The following PPARGC1A variants were observed in gnomAD, a reference collection of about 807,000 sequenced individuals.
PPARGC1A encodes peroxisome proliferator-activated receptor gamma coactivator 1-alpha.
In PPARGC1A, 25 loss-of-function variants were observed where a neutral mutation model predicts 88.7. The observed-to-expected ratio is 0.28, with a 90% CI of 0.21 to 0.39. The LOEUF is 0.39. PPARGC1A is among the 10% of genes least tolerant of loss of function. The pLI is 1.00. For missense variants in PPARGC1A, 880 were observed against 968.7 expected (o/e 0.91, Z 1.22); for synonymous variants, 363 against 355.6 (o/e 1.02, Z -0.24).
chr4:23,892,768 T>C (rs1442217071), upstream of PPARGC1A, among the ~76,000 whole-genome samples: 2 of 152,172 alleles, frequency 1.3e-5, no homozygotes, highest in Admixed American at 6.5e-5. Flanking sequence ...AACCTTACTG[T>C]GTGCACAGCC....
At chr4:24,153,150 AGT>A in the PPARGC1A span, among the ~76,000 whole-genome samples, 1 of 152,166 alleles carries the variant, frequency 6.6e-6, no homozygotes, top group African/African-American at 2.4e-5. Context: ...AGGAGCATAG[AGT>A]GTTTTCTGAA....
At chr4:24,363,671 A>G in the PPARGC1A span, among the ~76,000 whole-genome samples, 1 of 152,182 alleles carries the variant, frequency 6.6e-6, no homozygotes, top group African/African-American at 2.4e-5. Context: ...CACAGAAGGA[A>G]TCAGTTTATC....
the PPARGC1A span, among the ~76,000 whole-genome samples, chr4:24,146,782 C>G: frequency 6.6e-6 from 1 of 152,190 alleles, no homozygotes; most frequent in Non-Finnish European, 1.5e-5. Context: ...CTGACAGTGT[C>G]CTCTCATTGG....
chr4:24,406,421 T>A, the PPARGC1A span, among the ~76,000 whole-genome samples: 11 of 152,320 alleles, frequency 7.2e-5, no homozygotes, highest in South Asian at 1.9e-3. Flanking sequence ...TTGTGTCTGT[T>A]TGGAGTACTG....
At chr4:23,866,893 G>A (rs1235192093) in intron 2 of PPARGC1A, among the ~76,000 whole-genome samples, 25 of 152,008 alleles carry the variant, frequency 1.6e-4, no homozygotes, top group Non-Finnish European at 2.9e-5. Context: ...ATTTTGCTGC[G>A]CTGCTTTTGT....
intron 1 of PPARGC1A, among the ~76,000 whole-genome samples, chr4:23,897,534 G>T (rs191097274): frequency 3.3e-5 from 5 of 152,302 alleles, no homozygotes; most frequent in Admixed American, 1.3e-4. Context: ...TGATGTGCCT[G>T]TCTTGACAGA....
chr4:24,305,839 A>G, the PPARGC1A span, among the ~76,000 whole-genome samples: 1 of 152,122 alleles, frequency 6.6e-6, no homozygotes, highest in Non-Finnish European at 1.5e-5. Context: ...GAGGGTGGCC[A>G]TTATCATTAT....
the PPARGC1A span, among the ~76,000 whole-genome samples, chr4:24,225,795 T>C: frequency 1.3e-5 from 2 of 152,068 alleles, no homozygotes; most frequent in Non-Finnish European, 2.9e-5. Context: ...CTTGGGAACA[T>C]CATAAGTTTG....
chr4:24,461,036 G>A, the PPARGC1A span, among the ~76,000 whole-genome samples: 5 of 152,058 alleles, frequency 3.3e-5, no homozygotes, highest in Admixed American at 1.3e-4. Context: ...CCATCCTCCC[G>A]CCTCAGCCTC....
intron 1 of PPARGC1A, among the ~76,000 whole-genome samples, chr4:23,888,202 A>G (rs564268099): frequency 5.9e-5 from 9 of 152,338 alleles, no homozygotes; most frequent in African/African-American, 2.2e-4. Context: ...AGTGCAACAG[A>G]GAAGTGACTG....
At chr4:23,831,431 C>T (rs981243190) in intron 3 of PPARGC1A, 126 bp downstream of exon 3, 3 of 795,390 alleles carry the variant, frequency 3.8e-6, no homozygotes, top group Admixed American at 2.6e-5. Flanking sequence ...TCTGAGTGTG[C>T]TTGGGGATTG....
At chr4:24,310,079 A>T in the PPARGC1A span, among the ~76,000 whole-genome samples, 1 of 152,306 alleles carries the variant, frequency 6.6e-6, no homozygotes, top group South Asian at 2.1e-4. Context: ...TATTTCGCAA[A>T]GAGAAATTTT....
the PPARGC1A span, among the ~76,000 whole-genome samples, chr4:24,185,984 G>A: frequency 6.6e-6 from 1 of 151,992 alleles, no homozygotes; most frequent in Non-Finnish European, 1.5e-5. Context: ...GGAAAGGGGA[G>A]AGGAGGGGAA....
At chr4:23,858,738 C>A (rs184497939) in intron 2 of PPARGC1A, among the ~76,000 whole-genome samples, 4 of 152,252 alleles carry the variant, frequency 2.6e-5, no homozygotes, top group African/African-American at 4.8e-5. Context: ...TCAAATCTCA[C>A]CTTTGTCATT....
chr4:24,218,464 G>A, the PPARGC1A span, among the ~76,000 whole-genome samples: 283 of 152,358 alleles, frequency 1.9e-3, 3 homozygotes, highest in African/African-American at 6.2e-3. Context: ...GGCAGTCAGC[G>A]AGGAAAGACG....
the PPARGC1A span, among the ~76,000 whole-genome samples, chr4:23,936,045 C>T: frequency 6.6e-6 from 1 of 152,182 alleles, no homozygotes; most frequent in South Asian, 2.1e-4. Context: ...GATATTACTG[C>T]ATATGAATTC....
the PPARGC1A span, among the ~76,000 whole-genome samples, chr4:24,026,170 C>G: frequency 6.6e-6 from 1 of 152,184 alleles, no homozygotes; most frequent in South Asian, 2.1e-4. Flanking sequence ...TTAGTTGATG[C>G]TGAAAACCAA....
At chr4:24,030,051 G>A in the PPARGC1A span, among the ~76,000 whole-genome samples, 7 of 152,304 alleles carry the variant, frequency 4.6e-5, no homozygotes, top group Non-Finnish European at 1.0e-4. Flanking sequence ...AAGTGAAATA[G>A]AGAGACTCTA....
chr4:23,832,672 C>T (rs1372281530), intron 2 of PPARGC1A, among the ~76,000 whole-genome samples: 10 of 149,132 alleles, frequency 6.7e-5, no homozygotes, highest in East Asian at 5.9e-4. Flanking sequence ...TGCAGTGGCG[C>T]GATCTCGGCT....
Sources: allele counts gnomAD v4.1 joint callset (sites outside exome capture counted in the v4.1 genomes callset), GRCh38; gene constraint gnomAD v4.1.1; transcripts MANE v1.5; gene names NCBI Gene and HGNC (gene_info 2026-07-23, HGNC 2026-07-21).